The following SLCO1A2 variants were observed in gnomAD, a reference collection of about 807,000 sequenced individuals.
SLCO1A2 encodes the protein OATP-1.
In SLCO1A2, 67 loss-of-function variants were observed where a neutral mutation model predicts 69.0. That is an observed-to-expected ratio of 0.97 (90% CI 0.80 to 1.19). The LOEUF (loss-of-function observed/expected upper bound fraction) is 1.19, where lower values mean the gene tolerates loss of function less well. Among genes scored for constraint, SLCO1A2 ranks in the 50% most tolerant of loss-of-function variants. The pLI is 0.00. For synonymous variants in SLCO1A2, 260 were observed against 265.9 expected (o/e 0.98, Z 0.22); for missense variants, 787 against 793.7 (o/e 0.99, Z 0.10).
intron 2 of SLCO1A2, among the ~76,000 whole-genome samples, chr12:21,372,301 T>C (rs1193465976): frequency 1.3e-5 from 2 of 152,224 alleles, no homozygotes; most frequent in Non-Finnish European, 2.9e-5. Flanking sequence ...TTTGGTTATG[T>C]AGCATTTGTT....
rs543756986 is a variant in SLCO1A2, at chr12:21,271,506, C to T, written c.1794-1739G>A. On this transcript the variant is annotated intron_variant, in intron 14 of 14. Transcript: ENST00000683939. ...TAAATTTTTGAGTCATTTATCAGGT[C>T]GTTCTATGTCATTTGTACATATTTC... is the stretch of plus-strand genomic sequence containing the variant. 6.8e-4 allele frequency among the ~76,000 whole-genome samples: 103 copies of T among 150,912 alleles called. 2 individuals carry two copies. The South Asian group carries it at 0.015, about 21-fold the overall frequency.
chr12:21,373,269 A>T (rs887838124), intron 2 of SLCO1A2: 6 of 980,516 alleles, frequency 6.1e-6, no homozygotes, highest in Non-Finnish European at 9.8e-6. Flanking sequence ...ACTAAGCTCT[A>T]ATTTAAAATT....
At chr12:21,340,465 A>C (rs1224710790) in intron 2 of SLCO1A2, among the ~76,000 whole-genome samples, 2 of 152,054 alleles carry the variant, frequency 1.3e-5, no homozygotes, top group African/African-American at 4.8e-5. Context: ...CGTTGGAAGA[A>C]GAAAAAGAGA....
Position 21,313,660 on chromosome 12 carries a change from G to A in SLCO1A2, c.335+889C>T, listed in dbSNP as rs553762421. Reference sequence around the variant, plus strand: ...CAGGAGGCAGAGGTTTCAGTGAACCGGGAGATGGCGCCACTGCACTCCAGC... The same window carrying A: ...CAGGAGGCAGAGGTTTCAGTGAACCAGGAGATGGCGCCACTGCACTCCAGC... On this transcript the variant is annotated intron_variant, in intron 4 of 14. Coordinates refer to ENST00000683939, the MANE Select transcript of SLCO1A2 (RefSeq NM_001386879.1). Among the ~76,000 whole-genome samples, 264 of 152,170 alleles carry A rather than the reference G, an allele frequency of 1.7e-3. 1 individual carries two copies. The highest frequency in any genetic ancestry group is 5.7e-3 in the African/African-American group (238 of 41,530).
intron 2 of SLCO1A2, among the ~76,000 whole-genome samples, chr12:21,327,710 T>A (rs1178293611): frequency 6.6e-6 from 1 of 152,174 alleles, no homozygotes; most frequent in East Asian, 1.9e-4. Context: ...TGGAATGGGT[T>A]TATTTACTCA....
chr12:21,272,215 T>A (rs1001779111), intron 14 of SLCO1A2, among the ~76,000 whole-genome samples: 1 of 151,864 alleles, frequency 6.6e-6, no homozygotes, highest in African/African-American at 2.4e-5. Context: ...CATGTATTCA[T>A]GTAGAAATAG....
At chr12:21,385,805 C>G (rs1234835086) in intron 1 of SLCO1A2, among the ~76,000 whole-genome samples, 1 of 152,150 alleles carries the variant, frequency 6.6e-6, no homozygotes, top group Non-Finnish European at 1.5e-5. Flanking sequence ...AGCAAGACAA[C>G]AGAAACAGAT....
At chr12:21,339,176 C>A (rs541478448), upstream of SLCO1A2, among the ~76,000 whole-genome samples, 2 of 151,948 alleles carry the variant, frequency 1.3e-5, no homozygotes, top group Non-Finnish European at 2.9e-5. Context: ...TATTAAGAAT[C>A]CACTACATTC....
intron 1 of SLCO1A2, among the ~76,000 whole-genome samples, chr12:21,407,193 A>C (rs1256663876): frequency 6.6e-6 from 1 of 152,216 alleles, no homozygotes; most frequent in Non-Finnish European, 1.5e-5. Flanking sequence ...AATGAAATTC[A>C]AAGCATAAGA....
At chr12:21,419,155 G>C (rs907016117), upstream of SLCO1A2, 1 of 152,242 alleles carries the variant, frequency 6.6e-6, no homozygotes, top group African/African-American at 2.4e-5. Context: ...TTCAGCCAAA[G>C]GACCAGGAAA....
At chr12:21,372,731 T>C (rs1939889625) in intron 2 of SLCO1A2, among the ~76,000 whole-genome samples, 1 of 152,236 alleles carries the variant, frequency 6.6e-6, no homozygotes, top group Non-Finnish European at 1.5e-5. Flanking sequence ...TTTGCTACGT[T>C]AATATTTACT....
At chr12:21,290,764 G>A (rs559017921) in intron 12 of SLCO1A2, among the ~76,000 whole-genome samples, 1 of 152,212 alleles carries the variant, frequency 6.6e-6, no homozygotes, top group South Asian at 2.1e-4. Context: ...TTTTAAAAAT[G>A]TGACTTCTCT....
chr12:21,293,316 G>C (rs1947189542), intron 11 of SLCO1A2, among the ~76,000 whole-genome samples: 1 of 151,952 alleles, frequency 6.6e-6, no homozygotes, highest in African/African-American at 2.4e-5. Flanking sequence ...AAAAAGAAAA[G>C]AAAAGAAATA....
At chr12:21,327,656 G>C (rs559913410) in intron 2 of SLCO1A2, among the ~76,000 whole-genome samples, 1 of 152,132 alleles carries the variant, frequency 6.6e-6, no homozygotes, top group African/African-American at 2.4e-5. Flanking sequence ...TTTCAAACTT[G>C]CATGGGGCCT....
upstream of SLCO1A2, among the ~76,000 whole-genome samples, chr12:21,395,846 G>C (rs1236183403): frequency 1.3e-5 from 2 of 151,982 alleles, no homozygotes; most frequent in Non-Finnish European, 2.9e-5. Context: ...CAAACAGAAA[G>C]GACATCCACA....
At chr12:21,366,774 T>A (rs77397980) in intron 2 of SLCO1A2, among the ~76,000 whole-genome samples, 171 of 151,974 alleles carry the variant, frequency 1.1e-3, no homozygotes, top group African/African-American at 4.0e-3. Context: ...ATTAAAAATA[T>A]GATTGTAGAA....
In SLCO1A2 at chr12:21,412,156, G is replaced by A. The variant is rs545934879; in HGVS notation, c.-312+5726C>T. Among the ~76,000 whole-genome samples the A allele has an allele frequency of 7.5e-4, 114 of 152,280 alleles. No individual in the cohort carries two copies. The Middle Eastern group carries it at 0.014, about 18-fold the overall frequency. On this transcript the variant is annotated intron_variant, in intron 1 of 4. Transcript: ENST00000413682. ...AGCACTTTGGGAGGCCAAGGCGGGC[G>A]GATCACCTGAGGTCAGGAGTTTGAG...
chr12:21,271,264 T>C (rs1490160657), intron 14 of SLCO1A2, among the ~76,000 whole-genome samples: 1 of 151,814 alleles, frequency 6.6e-6, no homozygotes, highest in Non-Finnish European at 1.5e-5. Context: ...TACCTTATTC[T>C]TCCTTGGAAG....
chr12:21,277,268 G>A (rs1450405084), intron 12 of SLCO1A2, among the ~76,000 whole-genome samples: 2 of 152,074 alleles, frequency 1.3e-5, no homozygotes, highest in South Asian at 2.1e-4. Flanking sequence ...CTAGCTCCTG[G>A]CTGGCATTTC....
Sources: allele counts gnomAD v4.1 joint callset (sites outside exome capture counted in the v4.1 genomes callset), GRCh38; gene constraint gnomAD v4.1.1; transcripts MANE v1.5; gene names NCBI Gene and HGNC (gene_info 2026-07-23, HGNC 2026-07-21).